Variants in CDK11B observed in about 807,000 individuals in gnomAD.
The protein encoded by CDK11B is cyclin dependent kinase 11B, also known as cyclin-dependent kinase 11B.
In CDK11B, 37 loss-of-function variants were observed where a neutral mutation model predicts 84.0. The ratio of observed to expected loss-of-function variants is 0.44; its 90% CI spans 0.34 to 0.58. The LOEUF (loss-of-function observed/expected upper bound fraction) is 0.58, where lower values mean the gene tolerates loss of function less well. Among genes scored for constraint, CDK11B ranks in the 20% least tolerant of loss-of-function variants. The pLI is 0.02. For missense variants in CDK11B, 427 were observed against 834.0 expected (o/e 0.51, Z 6.01); for synonymous variants, 269 against 309.8 (o/e 0.87, Z 1.38).
chr1:1,658,175 A>C (rs1224463074), intron 1 of CDK11B, among the ~76,000 whole-genome samples: 3 of 149,762 alleles, frequency 2.0e-5, no homozygotes, highest in African/African-American at 7.6e-5. Flanking sequence ...AAAAAGAAAA[A>C]AAAACAAGAA....
intron 13 of CDK11B, 114 bp from the exon 14 acceptor site, chr1:1,637,627 T>C (rs1256548493): frequency 1.9e-6 from 3 of 1,608,314 alleles, no homozygotes; most frequent in African/African-American, 1.3e-5. Flanking sequence ...GGGAGGCAAA[T>C]GCTTGCTTCT....
chr1:1,657,505 A>G lies in CDK11B; in HGVS notation c.-13-7T>C. On this transcript the variant is annotated splice_polypyrimidine_tract_variant and splice_region_variant and intron_variant, in intron 1 of 19. Coordinates refer to ENST00000341832, the MANE Select transcript of CDK11B (RefSeq NM_033486.3). ...ACCCATTTGAGTTAAAACACTGCAAAAAGAAAAATAATTCAGCCTACATCA... is the reference window on the plus strand; with the variant it reads ...ACCCATTTGAGTTAAAACACTGCAAGAAGAAAAATAATTCAGCCTACATCA... The G allele has an allele frequency of 6.7e-7, 1 of 1,498,956 alleles. No individual in the cohort carries two copies. The highest frequency in any genetic ancestry group is 8.9e-7 in the Non-Finnish European group (1 of 1,119,524). The allele number at this position is 1,498,956 out of a possible 1,614,324, so 92.9% of individuals were successfully genotyped here. A position where few individuals can be genotyped will look rare whatever the true frequency, so the allele number is the denominator to read the frequency against.
chr1:1,649,344 G>A (rs1297359792), intron 5 of CDK11B, among the ~76,000 whole-genome samples, 155 bp downstream of exon 5: 2 of 151,418 alleles, frequency 1.3e-5, no homozygotes, highest in African/African-American at 2.4e-5. Flanking sequence ...CTCATGATCC[G>A]CCCACCTCGG....
chr1:1,639,345 A>T (rs1343934748), intron 11 of CDK11B, among the ~76,000 whole-genome samples: 5 of 151,674 alleles, frequency 3.3e-5, no homozygotes, highest in South Asian at 2.1e-4. Flanking sequence ...TGAGCCTGGG[A>T]GGGGGAGGCT....
At chr1:1,657,972 A>C (rs1041084194) in intron 1 of CDK11B, among the ~76,000 whole-genome samples, 5 of 150,908 alleles carry the variant, frequency 3.3e-5, no homozygotes, top group African/African-American at 1.2e-4. Context: ...CAGGAGGTCA[A>C]GACCAGCCTG....
intron 3 of CDK11B, 86 bp downstream of exon 3, chr1:1,655,283 A>G (rs1276526772): frequency 8.8e-6 from 13 of 1,475,540 alleles, no homozygotes; most frequent in Non-Finnish European, 1.1e-5. Flanking sequence ...TTACAACAGC[A>G]CACAGTTGTC....
At position 1,655,445 on chromosome 1, in the gene CDK11B, C is replaced by T. The variant is rs781122852; in HGVS notation, c.151G>A (p.Gly51Arg). 6.2e-7 allele frequency: 1 copy of T among 1,613,084 alleles called. No individual in the cohort carries two copies. The highest frequency in any genetic ancestry group is 8.5e-7 in the Non-Finnish European group (1 of 1,179,160). The change falls in exon 3 of 20, where the codon GGG (glycine) becomes AGG (arginine). Residue 51 changes from glycine (G) to arginine (R), a missense_variant. By Grantham distance (125) the Gly-to-Arg change is moderately radical. Around this residue, in one of 12 missense-constraint regions of CDK11B, gnomAD observed 57 missense variants for 62.2 expected, o/e 0.92. Coordinates refer to ENST00000341832, the MANE Select transcript of CDK11B (RefSeq NM_033486.3). ...TCCATGCGGTGATCTCTCAGCTCCC[C>T]CTCCTCAAGGGAATCCCGCTTGGAA... ...RDSKRDSLEE[G>R]ELRDHRMEIT...
intron 5 of CDK11B, 51 bp downstream of exon 5, chr1:1,649,448 C>A (rs1267187199): frequency 2.3e-6 from 3 of 1,323,790 alleles, no homozygotes; most frequent in Non-Finnish European, 3.3e-6. Flanking sequence ...TAGGATGGGA[C>A]ACACTACCAC....
intron 6 of CDK11B, among the ~76,000 whole-genome samples, chr1:1,644,767 G>C (rs1640784321): frequency 6.6e-6 from 1 of 152,194 alleles, no homozygotes; most frequent in African/African-American, 2.4e-5. Flanking sequence ...CGAGGTGGGT[G>C]GATCACGAGG....
rs1643186132 is a variant in CDK11B, at chr1:1,658,987, G to A, written c.-87C>T. The A allele has an allele frequency of 5.1e-6, 1 of 196,984 alleles. No homozygotes were observed. 12.2% of individuals were successfully genotyped at this position (196,984 alleles called of 1,614,324 possible). ...AGAGAAGAAACAGCAACCGGCGCGCGCCAAAAGTATCGTCACTTCCTGTAT... is the reference window on the plus strand; with the variant it reads ...AGAGAAGAAACAGCAACCGGCGCGCACCAAAAGTATCGTCACTTCCTGTAT... On this transcript the variant is annotated 5_prime_UTR_variant, in exon 1 of 20. Coordinates refer to ENST00000341832, the MANE Select transcript of CDK11B (RefSeq NM_033486.3).
chr1:1,641,058 G>A lies in CDK11B; in HGVS notation c.1065C>T (p.His355=), dbSNP rs1337693761. The A allele has an allele frequency of 2.2e-5, 35 of 1,593,058 alleles. No individual in the cohort carries two copies. The highest frequency in any genetic ancestry group is 2.7e-5 in the African/African-American group (2 of 73,528). ...CAGGGAGGTTCTTACCAACCAAGAG[G>A]TGGTTTTCATTTTCTCGTTCTTCAT... ...SEDEERENEN[H]LLVVPESRFD... The change falls in exon 10 of 20, where the codon CAC becomes CAT. Residue 355 remains histidine, a synonymous_variant. Transcript: ENST00000341832.
chr1:1,658,922 C>G lies in CDK11B; in HGVS notation c.-22G>C, dbSNP rs898121385. 5 of 193,916 alleles carry G rather than the reference C, an allele frequency of 2.6e-5. No individual in the cohort carries two copies. Among genetic ancestry groups the G allele is most frequent in the African/African-American group, 4.8e-5 (2 of 41,784 alleles). The allele number at this position is 193,916 out of a possible 1,614,324, so 12.0% of individuals were successfully genotyped here. On this transcript the variant is annotated 5_prime_UTR_variant, in exon 1 of 20. Transcript: ENST00000341832. ...GCCCAGTCGGAACTCACCCCTACGC[C>G]GCCGCCGCTGCCGCCGCCGCCGCCG...
Position 1,641,132 on chromosome 1 carries a change from G to A in CDK11B, c.1010-19C>T, listed in dbSNP as rs372456105. On this transcript the variant is annotated intron_variant, in intron 9 of 19. Transcript: ENST00000341832. ...ACTTCTTCTGCAAGAGAAAGGAGGC[G>A]TCTGCTCAGACCAGCACCGGGGCGA... The A allele has an allele frequency of 3.4e-4, 523 of 1,554,820 alleles. 1 individual carries two copies. The African/African-American group carries it at 5.8e-3, about 17-fold the overall frequency.
rs374941013 is a variant in CDK11B at position 1,640,998 on chromosome 1, G to A, written c.1075+50C>T. The A allele has an allele frequency of 1.7e-4, 270 of 1,590,734 alleles. 1 individual carries two copies. In the African/African-American group the frequency reaches 3.1e-3, roughly 18 times the overall value. On this transcript the variant is annotated intron_variant, in intron 10 of 19. Coordinates refer to ENST00000341832, the MANE Select transcript of CDK11B (RefSeq NM_033486.3). ...CCGGCTGTCTTAGGAGAGGGCTGCT[G>A]CACTCGGAGACAGACAAGGAGGGGG... is the stretch of plus-strand genomic sequence containing the variant.
chr1:1,636,338 C>T lies in CDK11B; in HGVS notation c.2061G>A (p.Met687Ile). The T allele has an allele frequency of 6.4e-7, 1 of 1,570,464 alleles. No individual in the cohort carries two copies. The highest frequency in any genetic ancestry group is 8.6e-7 in the Non-Finnish European group (1 of 1,158,232). ...CCCGGCTGCACTGGGCTCACTTGTT[C>T]ATGAGGTCGAAGCCCTGGTCTGAGA... ...ALLSDQGFDLMNKFLTYFPGR... is the reference protein window; with the variant it reads ...ALLSDQGFDLINKFLTYFPGR... The change falls in exon 18 of 20, where the codon ATG becomes ATA. Residue 687 changes from methionine (M) to isoleucine (I), a missense_variant. Physicochemically the swap from Met to Ile is conservative, Grantham distance 10. Transcript: ENST00000341832.
chr1:1,656,382 T>A (rs962706245), intron 2 of CDK11B, among the ~76,000 whole-genome samples: 4 of 152,202 alleles, frequency 2.6e-5, no homozygotes, highest in African/African-American at 9.6e-5. Flanking sequence ...TCCCAGGTAC[T>A]CAGGAGGCTG....
At position 1,655,436 on chromosome 1, in the gene CDK11B, T is replaced by C; in HGVS notation, c.160A>G (p.Arg54Gly). ...KRDSLEEGEL[R>G]DHRMEITIRN... Reference sequence around the variant, plus strand: ...ATTGTGATCTCCATGCGGTGATCTCTCAGCTCCCCCTCCTCAAGGGAATCC... The same window carrying C: ...ATTGTGATCTCCATGCGGTGATCTCCCAGCTCCCCCTCCTCAAGGGAATCC... Residue 54 changes from arginine to glycine, a missense_variant, in exon 3 of 20, where the codon AGA (arginine) becomes GGA (glycine). By Grantham distance (125) the Arg-to-Gly change is moderately radical. Around this residue, in one of 12 missense-constraint regions of CDK11B, gnomAD observed 57 missense variants for 62.2 expected, o/e 0.92. Coordinates refer to ENST00000341832, the MANE Select transcript of CDK11B (RefSeq NM_033486.3). The C allele has an allele frequency of 6.2e-7, 1 of 1,612,226 alleles. No homozygotes were observed. The highest frequency in any genetic ancestry group is 8.5e-7 in the Non-Finnish European group (1 of 1,178,346).
At chr1:1,654,762 C>T (rs1324145996) in intron 3 of CDK11B, among the ~76,000 whole-genome samples, 22 of 151,746 alleles carry the variant, frequency 1.4e-4, no homozygotes, top group African/African-American at 5.3e-4. Context: ...GGGTTCACGC[C>T]ATTCTCTTGC....
rs2101040586 is a variant in CDK11B at position 1,657,364 on chromosome 1, A to C, written c.111+11T>G. On this transcript the variant is annotated intron_variant, in intron 2 of 19. Coordinates refer to ENST00000341832, the MANE Select transcript of CDK11B (RefSeq NM_033486.3). ...TTTAAGAAAACCACTTACTTAAAAA[A>C]TATGGCTTACATTTTTTAAGCGTTT... The C allele has an allele frequency of 1.9e-6, 3 of 1,613,478 alleles. No homozygotes were observed. In the East Asian group the frequency reaches 6.7e-5, roughly 36 times the overall value.
Sources: gnomAD v4.1 joint callset for allele counts (sites outside exome capture counted in the v4.1 genomes callset) on GRCh38, gnomAD v4.1.1 for gene constraint, gnomAD v4.1.1 regional missense constraint, MANE v1.5 for transcripts, NCBI Gene and HGNC (gene_info 2026-07-23, HGNC 2026-07-21) for gene names.